PLCB4: variants seen among roughly 807,000 people sequenced by gnomAD.
PLCB4 encodes phospholipase C beta 4.
PLCB4 carries 77 observed loss-of-function variants against 178.8 expected under a neutral mutation model. That is an observed-to-expected ratio of 0.43 (90% CI 0.36 to 0.52). The LOEUF (loss-of-function observed/expected upper bound fraction) is 0.52, where lower values mean the gene tolerates loss of function less well. Among genes scored for constraint, PLCB4 ranks in the 20% least tolerant of loss-of-function variants. The probability of loss-of-function intolerance (pLI) is 0.00; values close to 1 mark genes in which losing one functional copy is unlikely to be tolerated. For missense variants in PLCB4, 1,024 were observed against 1,453.4 expected (o/e 0.70, Z 4.80); for synonymous variants, 496 against 490.8 (o/e 1.01, Z -0.14).
intron 2 of PLCB4, among the ~76,000 whole-genome samples, chr20:9,191,045 A>G (rs1227483640): frequency 2.6e-5 from 4 of 152,244 alleles, no homozygotes; most frequent in Non-Finnish European, 4.4e-5. Flanking sequence ...TCAGTAGACT[A>G]ATTTTTCATG....
At chr20:9,316,610 G>A (rs886843316) in intron 4 of PLCB4, among the ~76,000 whole-genome samples, 1 of 152,102 alleles carries the variant, frequency 6.6e-6, no homozygotes, top group Non-Finnish European at 1.5e-5. Flanking sequence ...AAGGTGGATG[G>A]GTCGAAGAAT....
chr20:9,362,818 A>C, intron 7 of PLCB4, 78 bp from the exon 8 acceptor site: 1 of 818,712 alleles, frequency 1.2e-6, no homozygotes, highest in Non-Finnish European at 2.1e-6. Flanking sequence ...CAAAATGGAT[A>C]CAATCTATCT....
At chr20:9,211,308 C>T (rs911525501) in intron 2 of PLCB4, among the ~76,000 whole-genome samples, 1 of 152,142 alleles carries the variant, frequency 6.6e-6, no homozygotes, top group African/African-American at 2.4e-5. Flanking sequence ...CATAGCTGGT[C>T]AATGATGGTG....
chr20:9,239,569 C>T (rs2094033519), intron 3 of PLCB4, among the ~76,000 whole-genome samples: 2 of 152,074 alleles, frequency 1.3e-5, no homozygotes. Context: ...CAGTTGTGCT[C>T]AAGTATGATT....
intron 2 of PLCB4, among the ~76,000 whole-genome samples, chr20:9,100,774 G>A (rs1056742034): frequency 2.6e-5 from 4 of 152,068 alleles, no homozygotes; most frequent in East Asian, 3.9e-4. Context: ...AGAACAGATA[G>A]ACTCACATAT....
At chr20:9,157,853 G>A (rs181014127) in intron 2 of PLCB4, among the ~76,000 whole-genome samples, 2 of 152,272 alleles carry the variant, frequency 1.3e-5, no homozygotes, top group East Asian at 3.9e-4. Context: ...AGCCTCCTGA[G>A]CCCAAGAGTT....
intron 19 of PLCB4, among the ~76,000 whole-genome samples, chr20:9,398,364 G>T (rs1339352482): frequency 6.6e-6 from 1 of 152,058 alleles, no homozygotes; most frequent in Non-Finnish European, 1.5e-5. Flanking sequence ...TTTTTCACAT[G>T]TTTTTGCAAA....
At chr20:9,131,552 T>C (rs1042170749) in intron 2 of PLCB4, among the ~76,000 whole-genome samples, 2 of 152,168 alleles carry the variant, frequency 1.3e-5, no homozygotes, top group African/African-American at 4.8e-5. Flanking sequence ...GACTAACGTG[T>C]ATGGTGGTTG....
intron 15 of PLCB4, 41 bp from the exon 16 acceptor site, chr20:9,389,838 T>G: frequency 1.8e-6 from 2 of 1,083,404 alleles, no homozygotes; most frequent in Non-Finnish European, 2.8e-6. Context: ...CTTAATTTTT[T>G]TGCTCTTTTC....
chr20:9,180,657 C>A (rs2093230940), intron 2 of PLCB4, among the ~76,000 whole-genome samples: 1 of 152,134 alleles, frequency 6.6e-6, no homozygotes. Context: ...GTCAACCTTG[C>A]CACAAAGACT....
At chr20:9,240,623 A>G (rs1304339970) in intron 3 of PLCB4, among the ~76,000 whole-genome samples, 3 of 152,128 alleles carry the variant, frequency 2.0e-5, no homozygotes, top group Non-Finnish European at 4.4e-5. Context: ...TGCCCACTTC[A>G]GTTCCCTCTG....
chr20:9,461,055 G>A (rs1164468490), intron 35 of PLCB4, among the ~76,000 whole-genome samples: 5 of 152,172 alleles, frequency 3.3e-5, no homozygotes, highest in East Asian at 1.9e-4. Flanking sequence ...TTGCTACAAT[G>A]CCAGATTTTA....
At chr20:9,380,009 A>C (rs373096365) in intron 12 of PLCB4, 45 bp from the exon 13 acceptor site, 2 of 1,003,836 alleles carry the variant, frequency 2.0e-6, no homozygotes, top group African/African-American at 1.6e-5. Context: ...TAATGCCTCA[A>C]GGCCAAGAAA....
intron 1 of PLCB4, among the ~76,000 whole-genome samples, chr20:9,075,889 C>T (rs1287160227): frequency 1.3e-5 from 2 of 152,152 alleles, no homozygotes; most frequent in African/African-American, 4.8e-5. Flanking sequence ...GTGGTTTGAC[C>T]CAGGAGCTCC....
chr20:9,130,017 G>A (rs572926492), intron 2 of PLCB4, among the ~76,000 whole-genome samples: 1 of 152,060 alleles, frequency 6.6e-6, no homozygotes, highest in South Asian at 2.1e-4. Context: ...GGCATTCTCT[G>A]TGTATTGTAT....
chr20:9,369,988 C>A (rs1467222727), intron 9 of PLCB4, among the ~76,000 whole-genome samples: 1 of 152,196 alleles, frequency 6.6e-6, no homozygotes, highest in East Asian at 1.9e-4. Context: ...TAACACATTA[C>A]CTGGGCTTCC....
intron 2 of PLCB4, among the ~76,000 whole-genome samples, chr20:9,157,808 C>G (rs1275547163): frequency 6.6e-6 from 1 of 152,010 alleles, no homozygotes; most frequent in Non-Finnish European, 1.5e-5. Flanking sequence ...TGTGATGGTG[C>G]GTGGTCCTAG....
Position 9,158,272 on chromosome 20 carries a change from CT to C in PLCB4, c.-78-59107del, listed in dbSNP as rs923041309. Among the ~76,000 whole-genome samples, 164 of 146,800 alleles carry C rather than the reference CT, an allele frequency of 1.1e-3. 1 individual carries two copies. Among genetic ancestry groups the C allele is most frequent in the Non-Finnish European group, 1.5e-3 (97 of 66,168 alleles). ...TTCTATTATTATTTAATGTTTCTCA[CT>C]TTTTTTTTTTGAGACAGAGTCTTGC... On this transcript the variant is annotated intron_variant, in intron 2 of 39. Transcript: ENST00000378473.
intron 7 of PLCB4, among the ~76,000 whole-genome samples, chr20:9,356,599 G>A (rs1215424955): frequency 6.6e-6 from 1 of 152,150 alleles, no homozygotes; most frequent in Admixed American, 6.5e-5. Flanking sequence ...TATTTGAAAA[G>A]CTTCATAGTT....
Sources: allele counts gnomAD v4.1 joint callset (sites outside exome capture counted in the v4.1 genomes callset), GRCh38; gene constraint gnomAD v4.1.1; transcripts MANE v1.5; gene names NCBI Gene and HGNC (gene_info 2026-07-23, HGNC 2026-07-21).